Variants in TNS3 observed in about 807,000 individuals in gnomAD.
TNS3 encodes the protein tensin 3, also known as tensin-3.
TNS3 carries 45 observed loss-of-function variants against 140.9 expected under a neutral mutation model. That is an observed-to-expected ratio of 0.32 (90% CI 0.25 to 0.41). The LOEUF is 0.41. TNS3 is among the 10% of genes least tolerant of loss of function. The pLI is 1.00. For missense variants in TNS3, 1,716 were observed against 1,906.7 expected (o/e 0.90, Z 1.86); for synonymous variants, 815 against 788.4 (o/e 1.03, Z -0.56).
Position 47,537,966 on chromosome 7 carries a change from A to AC in TNS3, c.-264-8820dup, listed in dbSNP as rs113842617. Among the ~76,000 whole-genome samples, 82 of 126,228 alleles carry AC rather than the reference A, an allele frequency of 6.5e-4. 1 individual carries two copies. The highest frequency in any genetic ancestry group is 2.3e-3 in the South Asian group (8 of 3,468). 82.8% of individuals were successfully genotyped at this position (126,228 alleles called of 152,430 possible). ...TCCCAGCCTATCCCTCCCTCACCGCACCCCCCCCACCCCCCGCCATCCTGC... is the reference window on the plus strand; with the variant it reads ...TCCCAGCCTATCCCTCCCTCACCGCACCCCCCCCCACCCCCCGCCATCCTGC... On this transcript the variant is annotated intron_variant, in intron 1 of 30. Coordinates refer to ENST00000311160, the MANE Select transcript of TNS3 (RefSeq NM_022748.12).
chr7:47,444,204 GAC>G (rs2151590995), intron 4 of TNS3, among the ~76,000 whole-genome samples: 1 of 152,244 alleles, frequency 6.6e-6, no homozygotes, highest in East Asian at 1.9e-4. Flanking sequence ...GAGTTTGATC[GAC>G]CATGGTCCTG....
chr7:47,495,795 A>G (rs1355653144), intron 3 of TNS3, among the ~76,000 whole-genome samples: 1 of 152,172 alleles, frequency 6.6e-6, no homozygotes, highest in African/African-American at 2.4e-5. Context: ...AAAAAGATGC[A>G]CTGCATATGG....
intron 16 of TNS3, among the ~76,000 whole-genome samples, chr7:47,388,445 G>A (rs541818614): frequency 6.6e-5 from 10 of 152,280 alleles, no homozygotes; most frequent in Middle Eastern, 3.4e-3. Flanking sequence ...TGTAGGGCAG[G>A]GGCATGAATC....
chr7:47,455,709 G>C (rs971719572), intron 4 of TNS3, among the ~76,000 whole-genome samples: 1 of 152,232 alleles, frequency 6.6e-6, no homozygotes, highest in Non-Finnish European at 1.5e-5. Context: ...CAGTGCCAGA[G>C]GTGGCGGCGA....
chr7:47,392,959 C>T (rs548291245), intron 16 of TNS3, among the ~76,000 whole-genome samples: 5 of 152,250 alleles, frequency 3.3e-5, no homozygotes, highest in Admixed American at 6.5e-5. Context: ...ACTTGGAAAC[C>T]CTGCAGGAGT....
intron 1 of TNS3, among the ~76,000 whole-genome samples, chr7:47,561,485 G>A (rs1046465218): frequency 5.9e-5 from 9 of 151,464 alleles, no homozygotes; most frequent in South Asian, 2.1e-4. Context: ...TTTTTAAATC[G>A]CTTAGATACC....
At chr7:47,304,331 A>G (rs1330243463) in intron 21 of TNS3, among the ~76,000 whole-genome samples, 1 of 152,232 alleles carries the variant, frequency 6.6e-6, no homozygotes, top group African/African-American at 2.4e-5. Context: ...GTCTATGCGT[A>G]ATGTCCTTAA....
chr7:47,551,677 G>GT (rs1479519994), intron 1 of TNS3, among the ~76,000 whole-genome samples: 2 of 152,192 alleles, frequency 1.3e-5, no homozygotes, highest in African/African-American at 4.8e-5. Context: ...TCTCAACTCA[G>GT]TAAGTGTCCA....
At chr7:47,444,246 T>C (rs181120878) in intron 4 of TNS3, among the ~76,000 whole-genome samples, 19 of 152,334 alleles carry the variant, frequency 1.2e-4, no homozygotes, top group Admixed American at 6.5e-4. Flanking sequence ...AGGATCTGAC[T>C]ATATGTGTCC....
chr7:47,309,526 A>T (rs972095408), intron 20 of TNS3, among the ~76,000 whole-genome samples: 1 of 152,210 alleles, frequency 6.6e-6, no homozygotes, highest in Non-Finnish European at 1.5e-5. Flanking sequence ...TTACCACCTC[A>T]CCGATAAATA....
At chr7:47,560,483 C>T (rs1800300067) in intron 1 of TNS3, among the ~76,000 whole-genome samples, 1 of 152,162 alleles carries the variant, frequency 6.6e-6, no homozygotes, top group South Asian at 2.1e-4. Flanking sequence ...TCATGTCTTC[C>T]ATAAATCTGC....
intron 28 of TNS3, among the ~76,000 whole-genome samples, chr7:47,283,139 A>G (rs2150554859): frequency 6.6e-6 from 1 of 152,314 alleles, no homozygotes; most frequent in Middle Eastern, 3.4e-3. Context: ...AGGGAGGGAG[A>G]CAGGAACAGC....
chr7:47,533,063 C>G (rs1227304342), intron 1 of TNS3, among the ~76,000 whole-genome samples: 6 of 136,684 alleles, frequency 4.4e-5, no homozygotes, highest in African/African-American at 1.7e-4. Context: ...TGTAAATAGT[C>G]TAAGTATCTC....
intron 1 of TNS3, among the ~76,000 whole-genome samples, chr7:47,571,548 G>A (rs913446182): frequency 6.6e-6 from 1 of 152,236 alleles, no homozygotes; most frequent in Non-Finnish European, 1.5e-5. Context: ...AGAAAAACCA[G>A]TGTGTACAAA....
intron 4 of TNS3, among the ~76,000 whole-genome samples, chr7:47,443,139 C>T (rs764760448): frequency 2.6e-5 from 4 of 152,144 alleles, no homozygotes; most frequent in Non-Finnish European, 5.9e-5. Context: ...GCCCTGGGTC[C>T]ACCTCCTCAT....
chr7:47,393,265 G>A (rs1258353729), intron 16 of TNS3, among the ~76,000 whole-genome samples: 1 of 152,122 alleles, frequency 6.6e-6, no homozygotes, highest in East Asian at 1.9e-4. Flanking sequence ...ATTGATACAA[G>A]CTTAAATGTA....
At chr7:47,372,547 T>C (rs1329425073) in intron 16 of TNS3, among the ~76,000 whole-genome samples, 1 of 152,138 alleles carries the variant, frequency 6.6e-6, no homozygotes, top group African/African-American at 2.4e-5. Context: ...GTCCCTCTCC[T>C]GGGGGGAGGG....
At chr7:47,433,898 TC>T (rs1795047078) in intron 8 of TNS3, among the ~76,000 whole-genome samples, 2 of 141,282 alleles carry the variant, frequency 1.4e-5, no homozygotes, top group African/African-American at 6.3e-5. Context: ...TCTCTCTCTC[TC>T]TCTCTCTCTC....
At position 47,275,485 on chromosome 7, in the gene TNS3, G is replaced by C. The variant is rs1280556615; in HGVS notation, c.*2591C>G. 1 of 304,424 alleles carries C rather than the reference G, an allele frequency of 3.3e-6. No individual in the cohort carries two copies. Among genetic ancestry groups the C allele is most frequent in the Non-Finnish European group, 6.4e-6 (1 of 155,602 alleles). The allele number at this position is 304,424 out of a possible 1,614,324, so 18.9% of individuals were successfully genotyped here. On this transcript the variant is annotated 3_prime_UTR_variant, in exon 31 of 31. Transcript: ENST00000311160. ...CTCTCCGCATTTACTCCCCAGGGCA[G>C]TACGTGCCTGTCCAGCGGGAGCCCT...
Sources: gnomAD v4.1 joint callset for allele counts (sites outside exome capture counted in the v4.1 genomes callset) on GRCh38, gnomAD v4.1.1 for gene constraint, MANE v1.5 for transcripts, NCBI Gene and HGNC (gene_info 2026-07-23, HGNC 2026-07-21) for gene names.